Variants in DNM1L observed in about 807,000 individuals in gnomAD.
The protein encoded by DNM1L is dynamin 1L.
DNM1L carries 33 observed loss-of-function variants against 92.8 expected under a neutral mutation model. That is an observed-to-expected ratio of 0.36 (90% CI 0.27 to 0.48). The LOEUF is 0.48. DNM1L is among the 20% of genes least tolerant of loss of function. The probability of loss-of-function intolerance (pLI) is 0.99; values close to 1 mark genes in which losing one functional copy is unlikely to be tolerated. For missense variants in DNM1L, 485 were observed against 888.8 expected (o/e 0.55, Z 5.78); for synonymous variants, 284 against 305.0 (o/e 0.93, Z 0.72).
chr12:32,731,052 CT>C lies in DNM1L; in HGVS notation c.1122del (p.Phe374LeufsTer5). 1 of 1,614,004 alleles carries C rather than the reference CT, an allele frequency of 6.2e-7. No homozygotes were observed. The highest frequency in any genetic ancestry group is 8.5e-7 in the Non-Finnish European group (1 of 1,179,980). ...GARICYIFHE[T>X]FGRTLESVDP... ...AGAATTTGTTATATTTTCCATGAGA[CT>C]TTTGGGCGAACCTTAGAATCTGTTG... On this transcript the variant is annotated frameshift_variant, in exon 10 of 20. Coordinates refer to ENST00000549701, the MANE Select transcript of DNM1L (RefSeq NM_012062.5). LOFTEE classifies it high-confidence loss of function. The surrounding 1 kb of genome is among the most constrained non-coding windows in gnomAD (Gnocchi z 5.1).
chr12:32,740,595 A>AT lies in DNM1L; in HGVS notation c.1994+82dup, dbSNP rs878873591. 104 of 1,300,954 alleles carry AT rather than the reference A, an allele frequency of 8.0e-5. 2 individuals are homozygous for AT. Among genetic ancestry groups the AT allele is most frequent in the South Asian group, 8.0e-4 (60 of 75,468 alleles). 80.6% of individuals were successfully genotyped at this position (1,300,954 alleles called of 1,614,324 possible). On this transcript the variant is annotated intron_variant, in intron 18 of 19. Coordinates refer to ENST00000549701, the MANE Select transcript of DNM1L (RefSeq NM_012062.5). ...GTGATCTGTTTTGAAAAATACATGT[A>AT]TTTTTACAATTTTAGGTTTTTATTC... is the stretch of plus-strand genomic sequence containing the variant.
intron 1 of DNM1L, among the ~76,000 whole-genome samples, chr12:32,681,835 A>G (rs1410750677): frequency 6.6e-6 from 1 of 152,004 alleles, no homozygotes; most frequent in Non-Finnish European, 1.5e-5. Flanking sequence ...TTGTGTCTTC[A>G]GAATACAGGT....
intron 7 of DNM1L, 93 bp from the exon 8 acceptor site, chr12:32,720,571 G>C (rs1592631559): frequency 1.3e-6 from 2 of 1,537,468 alleles, no homozygotes; most frequent in African/African-American, 2.7e-5. Flanking sequence ...GTCCCTGTCA[G>C]GTATTAGAGA....
chr12:32,699,725 T>C (rs1592588326), intron 1 of DNM1L, among the ~76,000 whole-genome samples: 1 of 136,086 alleles, frequency 7.3e-6, no homozygotes, highest in Admixed American at 9.2e-5. Context: ...ACCTGGGAGG[T>C]AGAGGTTGCA....
intron 2 of DNM1L, chr12:32,706,800 G>A: frequency 2.4e-6 from 1 of 424,024 alleles, no homozygotes. Flanking sequence ...GGAACAGCAA[G>A]TTGTGGCTCT....
At chr12:32,683,356 C>T (rs1272182201) in intron 1 of DNM1L, among the ~76,000 whole-genome samples, 3 of 151,618 alleles carry the variant, frequency 2.0e-5, no homozygotes, top group Admixed American at 6.6e-5. Context: ...TCCTGAGTAG[C>T]TGGGACTACA....
intron 1 of DNM1L, among the ~76,000 whole-genome samples, chr12:32,691,355 C>T (rs1182864137): frequency 6.6e-6 from 1 of 152,172 alleles, no homozygotes; most frequent in African/African-American, 2.4e-5. Flanking sequence ...TCTCCTGCCT[C>T]AGCCTCCCAA....
chr12:32,732,094 G>T, intron 12 of DNM1L, 151 bp downstream of exon 12: 1 of 654,722 alleles, frequency 1.5e-6, no homozygotes, highest in Non-Finnish European at 2.6e-6. Flanking sequence ...TTGAGTTTCA[G>T]TCTCATTTTA....
intron 7 of DNM1L, among the ~76,000 whole-genome samples, chr12:32,719,465 T>C (rs1469883943): frequency 6.6e-6 from 1 of 152,204 alleles, no homozygotes; most frequent in African/African-American, 2.4e-5. Context: ...CTGGCATTAG[T>C]GATGCTTCTG....
chr12:32,722,943 GTGTT>G (rs1339371573), intron 9 of DNM1L, among the ~76,000 whole-genome samples: 18 of 151,436 alleles, frequency 1.2e-4, no homozygotes, highest in East Asian at 1.9e-4. Flanking sequence ...AGCTTTTAAA[GTGTT>G]TGTTTCTTTA....
intron 1 of DNM1L, among the ~76,000 whole-genome samples, chr12:32,700,615 C>T (rs1451421375): frequency 2.0e-5 from 3 of 151,810 alleles, no homozygotes; most frequent in Non-Finnish European, 4.4e-5. Context: ...TATAGTAGCG[C>T]GTGCCTGTAG....
At chr12:32,729,866 T>C (rs1954432373) in intron 9 of DNM1L, among the ~76,000 whole-genome samples, 1 of 152,194 alleles carries the variant, frequency 6.6e-6, no homozygotes, top group Non-Finnish European at 1.5e-5. Flanking sequence ...AGCATAATAT[T>C]AGACTAGTAC....
At chr12:32,735,497 T>C (rs552110983) in intron 13 of DNM1L, among the ~76,000 whole-genome samples, 4 of 152,288 alleles carry the variant, frequency 2.6e-5, no homozygotes, top group Admixed American at 2.6e-4. Context: ...ATCTATACTT[T>C]TATTATCTGT....
At chr12:32,686,887 G>A (rs896213875) in intron 1 of DNM1L, among the ~76,000 whole-genome samples, 4 of 149,262 alleles carry the variant, frequency 2.7e-5, no homozygotes, top group Non-Finnish European at 5.9e-5. Context: ...ATCTTTTCAT[G>A]TGTTTGTTGG....
chr12:32,738,400 CTT>C (rs374300462), intron 16 of DNM1L, 104 bp downstream of exon 16: 8 of 1,262,816 alleles, frequency 6.3e-6, no homozygotes, highest in South Asian at 1.2e-5. Context: ...GTATCTATCT[CTT>C]GTCTGTGTTA....
chr12:32,733,714 G>GA lies in DNM1L; in HGVS notation c.1447-1_1447insA (p.Val483SerfsTer3), dbSNP rs1565537155. 1 of 1,612,892 alleles carries GA rather than the reference G, an allele frequency of 6.2e-7. No individual in the cohort carries two copies. The highest frequency in any genetic ancestry group is 8.5e-7 in the Non-Finnish European group (1 of 1,179,466). The stretch of plus-strand genomic sequence containing the variant: ...TATCGCCTAACTTACTTTTTTTCTA[G>GA]GTCCATAACTTAGTGGCAATTGAAC... On this transcript the variant is annotated frameshift_variant and splice_region_variant. Coordinates refer to ENST00000549701, the MANE Select transcript of DNM1L (RefSeq NM_012062.5). LOFTEE classifies it high-confidence loss of function.
chr12:32,722,103 G>C (rs1044261369), intron 8 of DNM1L, among the ~76,000 whole-genome samples: 1 of 152,128 alleles, frequency 6.6e-6, no homozygotes, highest in African/African-American at 2.4e-5. Flanking sequence ...TTGGTGATCA[G>C]CTCAATGTTT....
At chr12:32,741,909 T>C (rs1955326573) in intron 18 of DNM1L, among the ~76,000 whole-genome samples, 1 of 152,212 alleles carries the variant, frequency 6.6e-6, no homozygotes. Context: ...TAATAATGCA[T>C]TTCTCAAAGC....
At chr12:32,691,337 C>T (rs560958019) in intron 1 of DNM1L, among the ~76,000 whole-genome samples, 1 of 152,256 alleles carries the variant, frequency 6.6e-6, no homozygotes, top group East Asian at 1.9e-4. Context: ...CTCCCTGGTT[C>T]AAGCGATTCT....
Sources: gnomAD v4.1 joint callset for allele counts (sites outside exome capture counted in the v4.1 genomes callset) on GRCh38, gnomAD v4.1.1 for gene constraint, Gnocchi (gnomAD v3.1) non-coding constraint, MANE v1.5 for transcripts, NCBI Gene and HGNC (gene_info 2026-07-23, HGNC 2026-07-21) for gene names.